Variants in ENTREP2 observed in about 807,000 individuals in gnomAD.
The protein encoded by ENTREP2 is protein ENTREP2.
chr15:29,409,645 T>A, the ENTREP2 span, among the ~76,000 whole-genome samples: 3 of 127,104 alleles, frequency 2.4e-5, no homozygotes, highest in African/African-American at 9.4e-5. Flanking sequence ...TTTTTTTTTT[T>A]AAAGACAGGG....
the ENTREP2 span, among the ~76,000 whole-genome samples, chr15:29,465,103 A>G: frequency 1.6e-4 from 25 of 152,140 alleles, no homozygotes; most frequent in African/African-American, 5.5e-4. Context: ...CCCAGGCCAT[A>G]GTGGAAACCA....
At chr15:29,349,200 A>G in the ENTREP2 span, among the ~76,000 whole-genome samples, 1 of 152,202 alleles carries the variant, frequency 6.6e-6, no homozygotes, top group African/African-American at 2.4e-5. Context: ...TCCTTCCTGC[A>G]TGGTACAGTG....
At chr15:29,634,390 G>A in the ENTREP2 span, among the ~76,000 whole-genome samples, 4 of 152,036 alleles carry the variant, frequency 2.6e-5, no homozygotes, top group Admixed American at 6.6e-5. Flanking sequence ...AGTAGGCTCC[G>A]CCCACCTCTT....
At chr15:29,450,612 G>C in the ENTREP2 span, among the ~76,000 whole-genome samples, 2 of 152,148 alleles carry the variant, frequency 1.3e-5, no homozygotes, top group Non-Finnish European at 2.9e-5. Context: ...TCCTAGTACT[G>C]AGGATAAACC....
chr15:29,631,639 C>T, the ENTREP2 span, among the ~76,000 whole-genome samples: 5 of 152,222 alleles, frequency 3.3e-5, no homozygotes, highest in South Asian at 2.1e-4. Flanking sequence ...CAGCTGTCTG[C>T]GCCAGACCTT....
the ENTREP2 span, among the ~76,000 whole-genome samples, chr15:29,345,568 C>A: frequency 6.6e-6 from 1 of 152,130 alleles, no homozygotes; most frequent in Admixed American, 6.5e-5. Context: ...GGAATGGGAA[C>A]AAGGCCCCGC....
chr15:29,246,746 A>G, the ENTREP2 span, among the ~76,000 whole-genome samples: 2 of 152,114 alleles, frequency 1.3e-5, no homozygotes, highest in Non-Finnish European at 2.9e-5. Context: ...GCAAAAGACT[A>G]GAAACATCTT....
the ENTREP2 span, among the ~76,000 whole-genome samples, chr15:29,165,722 A>G: frequency 6.6e-6 from 1 of 152,102 alleles, no homozygotes; most frequent in African/African-American, 2.4e-5. Flanking sequence ...CCACGACCAG[A>G]CAGATTCTAA....
chr15:29,649,770 A>G, the ENTREP2 span, among the ~76,000 whole-genome samples: 7 of 151,928 alleles, frequency 4.6e-5, no homozygotes, highest in Admixed American at 1.3e-4. Flanking sequence ...AAAAAGAAAG[A>G]AAAGAAAATA....
the ENTREP2 span, among the ~76,000 whole-genome samples, chr15:29,652,077 T>C: frequency 6.6e-6 from 1 of 152,094 alleles, no homozygotes; most frequent in Non-Finnish European, 1.5e-5. Flanking sequence ...CTGAGGCCCA[T>C]AAAAGCCCCA....
chr15:29,196,491 C>G, the ENTREP2 span: 1 of 1,551,712 alleles, frequency 6.4e-7, no homozygotes, highest in South Asian at 1.2e-5. Context: ...CAGCGTCTCC[C>G]CGAGGTTGCT....
At chr15:29,478,313 C>G in the ENTREP2 span, among the ~76,000 whole-genome samples, 6 of 151,964 alleles carry the variant, frequency 3.9e-5, no homozygotes, top group African/African-American at 1.4e-4. Context: ...AGGTGTGAGC[C>G]ACCGCGTCCA....
At chr15:29,132,451 C>T in the ENTREP2 span, among the ~76,000 whole-genome samples, 6 of 152,308 alleles carry the variant, frequency 3.9e-5, no homozygotes, top group Admixed American at 1.3e-4. Flanking sequence ...GCCAGGCGGG[C>T]GCCCAGGGAC....
the ENTREP2 span, among the ~76,000 whole-genome samples, chr15:29,599,610 C>G: frequency 6.6e-6 from 1 of 152,186 alleles, no homozygotes; most frequent in Non-Finnish European, 1.5e-5. Context: ...CTGGTCATAA[C>G]AATCGCATTA....
the ENTREP2 span, among the ~76,000 whole-genome samples, chr15:29,452,412 A>T: frequency 6.6e-6 from 1 of 152,220 alleles, no homozygotes; most frequent in Non-Finnish European, 1.5e-5. Context: ...AACACCAGGA[A>T]GGAGGCCTCA....
the ENTREP2 span, among the ~76,000 whole-genome samples, chr15:29,336,853 G>C: frequency 6.6e-6 from 1 of 152,116 alleles, no homozygotes; most frequent in Non-Finnish European, 1.5e-5. Flanking sequence ...AAAGGATCTG[G>C]ATGGTGCCAA....
At chr15:29,326,596 T>A in the ENTREP2 span, among the ~76,000 whole-genome samples, 1 of 152,146 alleles carries the variant, frequency 6.6e-6, no homozygotes, top group Non-Finnish European at 1.5e-5. Flanking sequence ...AGATATTCCA[T>A]GTTCATGGAC....
At chr15:29,548,453 T>TAAAA in the ENTREP2 span, among the ~76,000 whole-genome samples, 9 of 134,182 alleles carry the variant, frequency 6.7e-5, no homozygotes, top group Admixed American at 1.5e-4. Flanking sequence ...AGATTCTGCC[T>TAAAA]AAAAAAAAAA....
the ENTREP2 span, among the ~76,000 whole-genome samples, chr15:29,161,604 A>C: frequency 3.1e-4 from 47 of 152,320 alleles, no homozygotes; most frequent in African/African-American, 9.6e-4. Flanking sequence ...AAGAGCAGAG[A>C]CCAAGTCTTT....
Sources: gnomAD v4.1 joint callset for allele counts (sites outside exome capture counted in the v4.1 genomes callset) on GRCh38, gnomAD v4.1.1 for gene constraint, MANE v1.5 for transcripts, NCBI Gene and HGNC (gene_info 2026-07-23, HGNC 2026-07-21) for gene names.